KIAA1217: variants seen among roughly 807,000 people sequenced by gnomAD.
KIAA1217 encodes KIAA1217.
KIAA1217 carries 88 observed loss-of-function variants against 163.9 expected under a neutral mutation model. The ratio of observed to expected loss-of-function variants is 0.54; its 90% CI spans 0.45 to 0.64. The LOEUF (loss-of-function observed/expected upper bound fraction) is 0.64, where lower values mean the gene tolerates loss of function less well. Ranked by LOEUF, KIAA1217 falls within the 30% of genes least tolerant of loss-of-function variation. The pLI is 0.00. For missense variants in KIAA1217, 2,372 were observed against 2,475.0 expected, an observed-to-expected ratio of 0.96 and a Z score of 0.88; for synonymous variants, 903 against 923.1, an observed-to-expected ratio of 0.98 and a Z score of 0.39.
At chr10:24,225,308 GGGACA>G (rs1564856510) in intron 2 of KIAA1217, among the ~76,000 whole-genome samples, 1 of 152,008 alleles carries the variant, frequency 6.6e-6, no homozygotes, top group Admixed American at 6.6e-5. Context: ...ATTATTTGTA[GGGACA>G]GGGTCTTGCT....
In KIAA1217 at chr10:24,186,884, C is replaced by T. The variant is rs370692318; in HGVS notation, c.-170-32742C>T. Among the ~76,000 whole-genome samples, 86 of 152,048 alleles carry T rather than the reference C, an allele frequency of 5.7e-4. No homozygotes were observed. The South Asian group carries it at 0.017, about 29-fold the overall frequency. On this transcript the variant is annotated intron_variant, in intron 2 of 18. Transcript: ENST00000376462. ...CAGCCTGGGTGACAGAGTGAGACTC[C>T]GTCTAAAAAAAACAAAACGAAAAAA...
At chr10:24,056,282 C>T (rs931649782) in intron 2 of KIAA1217, among the ~76,000 whole-genome samples, 1 of 151,712 alleles carries the variant, frequency 6.6e-6, no homozygotes, top group Non-Finnish European at 1.5e-5. Flanking sequence ...GAGCCAAGAT[C>T]GCGCCACTCC....
At chr10:24,095,514 C>T (rs1034970313) in intron 2 of KIAA1217, among the ~76,000 whole-genome samples, 6 of 152,198 alleles carry the variant, frequency 3.9e-5, no homozygotes, top group Admixed American at 1.3e-4. Flanking sequence ...AAACCACCCT[C>T]TCCAGCCTTC....
At position 23,712,682 on chromosome 10, in the gene KIAA1217, C is replaced by G. The variant is rs368441181; in HGVS notation, c.-321+17448C>G. 6.0e-4 allele frequency among the ~76,000 whole-genome samples: 91 copies of G among 151,972 alleles called. No homozygotes were observed. The East Asian group carries it at 8.0e-3, about 13-fold the overall frequency. ...GCAGTTGAGTTTTCTTTTCATAGAG[C>G]CTTTGAACCTGTTTATGGGAAAGAT... On this transcript the variant is annotated intron_variant, in intron 1 of 18. Coordinates refer to the KIAA1217 transcript ENST00000376462.
chr10:24,442,315 CCTGTGTTTAAGCAGGCTT>C (rs1230435960), intron 5 of KIAA1217, among the ~76,000 whole-genome samples: 1 of 152,154 alleles, frequency 6.6e-6, no homozygotes, highest in Non-Finnish European at 1.5e-5. Context: ...CTTCCTCTTG[CCTGTGTTTAAGCAGGCTT>C]CTCTAGTTTG....
intron 1 of KIAA1217, among the ~76,000 whole-genome samples, chr10:23,818,014 C>CAG (rs1564447988): frequency 9.3e-6 from 1 of 107,418 alleles, no homozygotes; most frequent in South Asian, 3.0e-4. Context: ...TATATACACA[C>CAG]ATATATATAC....
intron 1 of KIAA1217, among the ~76,000 whole-genome samples, chr10:23,750,445 T>C (rs964294884): frequency 2.0e-5 from 3 of 152,196 alleles, no homozygotes; most frequent in East Asian, 3.9e-4. Flanking sequence ...ACAGCCTTTT[T>C]CTTACCTCTC....
At chr10:24,099,847 T>A (rs1262694924) in intron 2 of KIAA1217, among the ~76,000 whole-genome samples, 1 of 151,638 alleles carries the variant, frequency 6.6e-6, no homozygotes, top group Non-Finnish European at 1.5e-5. Flanking sequence ...GTGTTTGGTT[T>A]TTTTGTCCTT....
intron 1 of KIAA1217, among the ~76,000 whole-genome samples, chr10:23,895,792 C>T (rs1353023682): frequency 4.6e-5 from 7 of 151,802 alleles, no homozygotes; most frequent in African/African-American, 1.7e-4. Context: ...CACATATACA[C>T]CATGGAATAC....
intron 1 of KIAA1217, among the ~76,000 whole-genome samples, chr10:23,912,029 C>T (rs1434854716): frequency 6.6e-6 from 1 of 152,150 alleles, no homozygotes. Context: ...ACATGCACCC[C>T]TTCTCTTCCT....
chr10:24,086,608 A>G (rs1262891772), intron 2 of KIAA1217, among the ~76,000 whole-genome samples: 1 of 152,246 alleles, frequency 6.6e-6, no homozygotes, highest in Non-Finnish European at 1.5e-5. Context: ...CATAAATGTC[A>G]TAACTTGGCT....
intron 2 of KIAA1217, chr10:24,158,322 G>T: frequency 1.5e-6 from 1 of 684,876 alleles, no homozygotes; most frequent in South Asian, 1.4e-5. Context: ...GAGATTCTTT[G>T]ACTTCAGAAG....
At chr10:24,224,427 C>T (rs1269650728) in intron 2 of KIAA1217, among the ~76,000 whole-genome samples, 1 of 151,964 alleles carries the variant, frequency 6.6e-6, no homozygotes, top group African/African-American at 2.4e-5. Flanking sequence ...GCAACCTCCA[C>T]CTCCTGGGTT....
At chr10:23,729,683 A>T (rs1838365014) in intron 1 of KIAA1217, among the ~76,000 whole-genome samples, 1 of 152,146 alleles carries the variant, frequency 6.6e-6, no homozygotes, top group Non-Finnish European at 1.5e-5. Context: ...TATTTTGGAT[A>T]AGCTGCCTTA....
At chr10:24,531,735 T>G in intron 14 of KIAA1217, 95 bp from the exon 15 acceptor site, 1 of 1,258,316 alleles carries the variant, frequency 7.9e-7, no homozygotes, top group Non-Finnish European at 1.1e-6. Context: ...AGAAAATTTT[T>G]AAATCAGATT....
chr10:23,894,797 A>T (rs1385848825), intron 1 of KIAA1217, among the ~76,000 whole-genome samples: 1 of 151,114 alleles, frequency 6.6e-6, no homozygotes, highest in Non-Finnish European at 1.5e-5. Flanking sequence ...ACAGAGATAT[A>T]GATCAATGGA....
At position 23,831,606 on chromosome 10, in the gene KIAA1217, T is replaced by A. The variant is rs59021527; in HGVS notation, c.-321+136372T>A. Among the ~76,000 whole-genome samples the A allele has an allele frequency of 3.4e-3, 518 of 152,190 alleles. 3 individuals are homozygous for A. Among genetic ancestry groups the A allele is most frequent in the African/African-American group, 0.012 (482 of 41,474 alleles). On this transcript the variant is annotated intron_variant, in intron 1 of 18. Transcript: ENST00000376462. ...TACGTTTAAATAATTGTATTAGGAA[T>A]GTAATATGTGTATTAATGATAAAAT... is the stretch of plus-strand genomic sequence containing the variant.
intron 2 of KIAA1217, among the ~76,000 whole-genome samples, chr10:24,296,207 G>A (rs367625823): frequency 9.9e-5 from 15 of 152,026 alleles, no homozygotes; most frequent in African/African-American, 3.1e-4. Flanking sequence ...GGGCTCAAGC[G>A]ATCTTCTCCC....
chr10:24,242,498 G>C (rs1036148317), intron 2 of KIAA1217, among the ~76,000 whole-genome samples: 1 of 152,048 alleles, frequency 6.6e-6, no homozygotes. Flanking sequence ...GTCCACCATT[G>C]ACGGACACCT....
Sources: gnomAD v4.1 joint callset for allele counts (sites outside exome capture counted in the v4.1 genomes callset) on GRCh38, gnomAD v4.1.1 for gene constraint, MANE v1.5 for transcripts, NCBI Gene and HGNC (gene_info 2026-07-23, HGNC 2026-07-21) for gene names.